The following GRIN2A variants were observed in gnomAD, a reference collection of about 807,000 sequenced individuals.
GRIN2A encodes the protein glutamate ionotropic receptor NMDA type subunit 2A.
GRIN2A carries 22 observed loss-of-function variants against 113.4 expected under a neutral mutation model. That is an observed-to-expected ratio of 0.19 (90% CI 0.14 to 0.28). The LOEUF is 0.28. GRIN2A is among the 10% of genes least tolerant of loss of function. The pLI is 1.00. For missense variants in GRIN2A, 1,502 were observed against 1,887.0 expected (o/e 0.80, Z 3.78); for synonymous variants, 827 against 738.4 (o/e 1.12, Z -1.94).
intron 2 of GRIN2A, among the ~76,000 whole-genome samples, chr16:9,956,795 G>A (rs751689253): frequency 1.5e-4 from 23 of 152,314 alleles, no homozygotes; most frequent in Non-Finnish European, 2.6e-4. Context: ...AACAGGAGAT[G>A]CTGGAGTAGG....
At chr16:10,093,059 C>T (rs187042334) in intron 2 of GRIN2A, among the ~76,000 whole-genome samples, 69 of 152,078 alleles carry the variant, frequency 4.5e-4, no homozygotes, top group African/African-American at 1.5e-3. Flanking sequence ...AGGCTGGCCT[C>T]AAACTCCTGG....
Position 9,764,746 on chromosome 16 carries a change from T to C in GRIN2A, c.2798A>G (p.Asp933Gly), listed in dbSNP as rs1900806055. ...CAAATTCCCCTTATCTGAAACCATG[T>C]CCATGATGAGGGAACCTCTTTGGAT... is the stretch of plus-strand genomic sequence containing the variant. ...DFIQRGSLIM[D>G]MVSDKGNLMY... The change falls in exon 13 of 13, where the codon GAC (aspartate) becomes GGC (glycine). Residue 933 changes from aspartate (D) to glycine (G), a missense_variant. By Grantham distance (94) the Asp-to-Gly change is moderately conservative (BLOSUM62 -1). This residue lies in a region of GRIN2A where 832 missense variants were observed against 789.7 expected (regional missense o/e 1.05). Transcript: ENST00000330684. 1.2e-6 allele frequency: 2 copies of C among 1,614,246 alleles called. No homozygotes were observed. The highest frequency in any genetic ancestry group is 1.7e-6 in the Non-Finnish European group (2 of 1,180,026).
intron 2 of GRIN2A, among the ~76,000 whole-genome samples, chr16:10,072,542 T>C (rs1255063260): frequency 6.6e-6 from 1 of 152,152 alleles, no homozygotes; most frequent in African/African-American, 2.4e-5. Flanking sequence ...AGTTGTAAAG[T>C]TCTCCTAGGT....
chr16:9,862,853 T>C (rs772642149), intron 4 of GRIN2A, among the ~76,000 whole-genome samples: 2 of 152,194 alleles, frequency 1.3e-5, no homozygotes, highest in Non-Finnish European at 2.9e-5. Flanking sequence ...TGGGAGTCCT[T>C]CATTGTGCAA....
chr16:10,009,950 T>G (rs944542071), intron 2 of GRIN2A, among the ~76,000 whole-genome samples: 13 of 152,184 alleles, frequency 8.5e-5, no homozygotes, highest in Admixed American at 3.3e-4. Context: ...AAACTGGAAC[T>G]GAGGTTCCTA....
chr16:10,095,532 C>T (rs1254980476), intron 2 of GRIN2A, among the ~76,000 whole-genome samples: 3 of 152,102 alleles, frequency 2.0e-5, no homozygotes, highest in African/African-American at 7.2e-5. Flanking sequence ...AGTTAGAAAA[C>T]ATCAATGGAT....
intron 10 of GRIN2A, among the ~76,000 whole-genome samples, chr16:9,802,879 G>A (rs986040788): frequency 5.9e-5 from 9 of 152,072 alleles, no homozygotes; most frequent in African/African-American, 1.9e-4. Flanking sequence ...GGGCTATTGC[G>A]GCACAGCCCT....
chr16:10,163,274 G>C (rs971307913), intron 2 of GRIN2A, among the ~76,000 whole-genome samples: 9 of 152,152 alleles, frequency 5.9e-5, no homozygotes, highest in Admixed American at 5.2e-4. Flanking sequence ...ACCCACAAGA[G>C]ACAAGCCAAA....
At chr16:9,946,128 G>A (rs899277341) in intron 2 of GRIN2A, among the ~76,000 whole-genome samples, 1 of 152,162 alleles carries the variant, frequency 6.6e-6, no homozygotes, top group Non-Finnish European at 1.5e-5. Context: ...ATCATTAGCA[G>A]GGCTGGCCAA....
At chr16:10,133,521 C>T (rs1209854680) in intron 2 of GRIN2A, among the ~76,000 whole-genome samples, 5 of 152,108 alleles carry the variant, frequency 3.3e-5, no homozygotes, top group Non-Finnish European at 4.4e-5. Context: ...GCACGAGAAG[C>T]GCTTGAACCC....
intron 2 of GRIN2A, among the ~76,000 whole-genome samples, chr16:10,143,481 G>C (rs995966370): frequency 1.3e-5 from 2 of 152,174 alleles, no homozygotes; most frequent in African/African-American, 4.8e-5. Context: ...AAAACCTTGA[G>C]TTATTTAAGG....
intron 2 of GRIN2A, among the ~76,000 whole-genome samples, chr16:10,004,375 C>T (rs529676228): frequency 8.0e-5 from 12 of 150,826 alleles, no homozygotes; most frequent in South Asian, 4.2e-4. Flanking sequence ...GGTGACAGAG[C>T]GAGACTCCAT....
rs1222825721 is a variant in GRIN2A, at chr16:9,760,666, T to G, written c.*2483A>C. On this transcript the variant is annotated 3_prime_UTR_variant, in exon 13 of 13. Transcript: ENST00000330684. ...GATGAAGTCAGTCCAAGTATAACTC[T>G]CACTCTCCCTGGAGGTCTCTGTGGC... The G allele has an allele frequency of 4.4e-6, 1 of 226,064 alleles. No individual in the cohort carries two copies. The highest frequency in any genetic ancestry group is 8.8e-6 in the Non-Finnish European group (1 of 113,676). 14.0% of individuals were successfully genotyped at this position (226,064 alleles called of 1,614,324 possible).
At chr16:10,142,466 G>T (rs929233588) in intron 2 of GRIN2A, among the ~76,000 whole-genome samples, 2 of 152,178 alleles carry the variant, frequency 1.3e-5, no homozygotes, top group African/African-American at 4.8e-5. Flanking sequence ...GGAGGTCAAG[G>T]CAGGAGGATC....
In GRIN2A at chr16:10,180,567, T is replaced by C; in HGVS notation, c.-18-138A>G. On this transcript the variant is annotated intron_variant, in intron 1 of 12. Coordinates refer to ENST00000330684, the MANE Select transcript of GRIN2A (RefSeq NM_001134407.3). The surrounding 1 kb of genome is among the most constrained non-coding windows in gnomAD (Gnocchi z 7.0). ...TAGGCTGCTGGGATCACGGACTCCA[T>C]TCCGAGTCCCCGACGCCATCCACAT... The C allele has an allele frequency of 2.7e-6, 4 of 1,455,862 alleles. No individual in the cohort carries two copies. Among genetic ancestry groups the C allele is most frequent in the Non-Finnish European group, 3.6e-6 (4 of 1,098,492 alleles). 90.2% of individuals were successfully genotyped at this position (1,455,862 alleles called of 1,614,324 possible).
At chr16:9,870,719 C>T (rs540357583) in intron 4 of GRIN2A, among the ~76,000 whole-genome samples, 1 of 151,438 alleles carries the variant, frequency 6.6e-6, no homozygotes, top group Non-Finnish European at 1.5e-5. Context: ...CTCACCGCAA[C>T]CTCCGCTTCC....
chr16:9,814,590 C>T (rs930679398), intron 10 of GRIN2A, among the ~76,000 whole-genome samples: 1 of 152,182 alleles, frequency 6.6e-6, no homozygotes, highest in African/African-American at 2.4e-5. Flanking sequence ...ACCCATCCTG[C>T]ACCCTCCTTC....
At chr16:10,038,705 G>A (rs1165831214) in intron 2 of GRIN2A, among the ~76,000 whole-genome samples, 1 of 151,672 alleles carries the variant, frequency 6.6e-6, no homozygotes, top group East Asian at 1.9e-4. Context: ...AAAATTACCC[G>A]GGCATGGCAG....
intron 4 of GRIN2A, among the ~76,000 whole-genome samples, chr16:9,856,945 G>T (rs1262781115): frequency 6.6e-6 from 1 of 152,096 alleles, no homozygotes; most frequent in African/African-American, 2.4e-5. Context: ...TCAGCTCAAT[G>T]GTCAAAGCCA....
Sources: allele counts gnomAD v4.1 joint callset (sites outside exome capture counted in the v4.1 genomes callset), GRCh38; gene constraint gnomAD v4.1.1; regional missense constraint gnomAD v4.1.1; non-coding constraint Gnocchi (gnomAD v3.1); transcripts MANE v1.5; gene names NCBI Gene and HGNC (gene_info 2026-07-23, HGNC 2026-07-21).